Variants in KANSL1 observed in about 807,000 individuals in gnomAD.
The protein encoded by KANSL1 is KAT8 regulatory NSL complex subunit 1.
A neutral mutation model predicts 103.6 loss-of-function variants in KANSL1; 22 were observed. The observed-to-expected ratio is 0.21, with a 90% CI of 0.15 to 0.30. The LOEUF (loss-of-function observed/expected upper bound fraction) is 0.30, where lower values mean the gene tolerates loss of function less well. Ranked by LOEUF, KANSL1 falls within the 10% of genes least tolerant of loss-of-function variation. KANSL1 has a pLI of 1.00. For missense variants in KANSL1, 1,337 were observed against 1,399.8 expected, an observed-to-expected ratio of 0.96 and a Z score of 0.72; for synonymous variants, 600 against 527.6, an observed-to-expected ratio of 1.14 and a Z score of -1.88.
intron 11 of KANSL1, 177 bp from the exon 12 acceptor site, chr17:46,033,637 GC>G (rs1397736612): frequency 1.6e-6 from 1 of 631,026 alleles, no homozygotes; most frequent in Non-Finnish European, 2.8e-6. Context: ...TGTGAAATTG[GC>G]CACCTACTCA....
chr17:46,105,906 GACACACACACACACAC>G (rs773000790), intron 2 of KANSL1, among the ~76,000 whole-genome samples: 1 of 95,182 alleles, frequency 1.1e-5, no homozygotes, highest in Non-Finnish European at 2.3e-5. Context: ...GCAAGGCCTT[GACACACACACACACAC>G]ACACACACAC....
upstream of KANSL1, among the ~76,000 whole-genome samples, chr17:46,194,864 C>T (rs1450533863): frequency 6.6e-6 from 1 of 152,238 alleles, no homozygotes; most frequent in Non-Finnish European, 1.5e-5. Flanking sequence ...CACTAACTCA[C>T]CTGCCCCTGC....
intron 1 of KANSL1, among the ~76,000 whole-genome samples, chr17:46,216,886 G>A (rs988753852): frequency 4.6e-5 from 7 of 152,088 alleles, no homozygotes; most frequent in African/African-American, 7.2e-5. Context: ...CCACAGGATC[G>A]CTTGAGCTCA....
intron 2 of KANSL1, among the ~76,000 whole-genome samples, chr17:46,095,754 T>G (rs1032265709): frequency 2.0e-5 from 3 of 152,194 alleles, no homozygotes; most frequent in East Asian, 3.8e-4. Context: ...CAACTACATT[T>G]TGGTGGAAGA....
At chr17:46,114,063 A>T (rs1316385353) in intron 2 of KANSL1, among the ~76,000 whole-genome samples, 2 of 152,200 alleles carry the variant, frequency 1.3e-5, no homozygotes, top group Non-Finnish European at 2.9e-5. Flanking sequence ...CAAACTGATA[A>T]GAAAAAGATG....
chr17:46,164,380 G>A (rs1189080929), intron 2 of KANSL1, among the ~76,000 whole-genome samples: 7 of 152,152 alleles, frequency 4.6e-5, no homozygotes, highest in Admixed American at 3.3e-4. Context: ...GAAGAGAATA[G>A]AAGAAAAAAA....
chr17:46,051,708 C>T (rs911604504), intron 6 of KANSL1, among the ~76,000 whole-genome samples: 1 of 152,212 alleles, frequency 6.6e-6, no homozygotes, highest in Non-Finnish European at 1.5e-5. Context: ...TAGGTGCAAG[C>T]TCAGTAGTAG....
intron 2 of KANSL1, among the ~76,000 whole-genome samples, chr17:46,102,081 A>G (rs545313622): frequency 5.3e-5 from 8 of 152,246 alleles, no homozygotes; most frequent in African/African-American, 1.9e-4. Flanking sequence ...GAGAAAAAGA[A>G]GAGAACCAAA....
intron 4 of KANSL1, among the ~76,000 whole-genome samples, chr17:46,070,434 T>G (rs1282295087): frequency 1.3e-5 from 2 of 152,154 alleles, no homozygotes; most frequent in East Asian, 3.8e-4. Flanking sequence ...TAGGTAATAG[T>G]TTTATATTAA....
rs201248223 is a variant in KANSL1, at chr17:46,065,149, T to TA, written c.1848+1387dup. Among the ~76,000 whole-genome samples the TA allele has an allele frequency of 2.7e-5, 4 of 150,796 alleles. No homozygotes were observed. In the East Asian group the frequency reaches 5.9e-4, roughly 22 times the overall value. ...GCCCACAGCAGGCTTTTTTTTTTTT[T>TA]AAAGATATGGGGTCTCACTATGTTG... On this transcript the variant is annotated intron_variant, in intron 6 of 14. Transcript: ENST00000432791.
intron 4 of KANSL1, among the ~76,000 whole-genome samples, chr17:46,078,642 G>A (rs2078875101): frequency 6.6e-6 from 1 of 152,186 alleles, no homozygotes; most frequent in Non-Finnish European, 1.5e-5. Flanking sequence ...TCTCTTCCTG[G>A]CAATACTTTC....
intron 6 of KANSL1, among the ~76,000 whole-genome samples, chr17:46,062,378 T>TTTTTG (rs1491272838): frequency 1.4e-5 from 2 of 147,156 alleles, no homozygotes; most frequent in Admixed American, 6.8e-5. Context: ...TTTTTTTTTT[T>TTTTTG]AGATGGACTC....
chr17:46,149,978 C>T (rs905472892), intron 2 of KANSL1, among the ~76,000 whole-genome samples: 14 of 150,342 alleles, frequency 9.3e-5, no homozygotes, highest in African/African-American at 3.4e-4. Flanking sequence ...GCTGAGATCG[C>T]ACCACTGCAC....
intron 2 of KANSL1, among the ~76,000 whole-genome samples, chr17:46,114,588 T>C (rs1470564776): frequency 6.6e-6 from 1 of 152,324 alleles, no homozygotes; most frequent in East Asian, 1.9e-4. Context: ...TAAGACCACA[T>C]GTCAGTATTT....
At chr17:46,211,200 T>A (rs2048157380) in intron 1 of KANSL1, among the ~76,000 whole-genome samples, 1 of 136,710 alleles carries the variant, frequency 7.3e-6, no homozygotes, top group Non-Finnish European at 1.6e-5. Context: ...TATAGAATAT[T>A]CCCTAAAGAC....
upstream of KANSL1, among the ~76,000 whole-genome samples, chr17:46,224,180 T>C (rs387188): frequency 0.14 from 21,945 of 152,198 alleles, 2,138 homozygotes; most frequent in Non-Finnish European, 0.22. Context: ...AAAGTAAAAC[T>C]TCTCTAATCA....
chr17:46,115,927 C>T (rs1192378936), intron 2 of KANSL1, among the ~76,000 whole-genome samples: 1 of 152,182 alleles, frequency 6.6e-6, no homozygotes, highest in Admixed American at 6.5e-5. Flanking sequence ...ACCAATGTGA[C>T]AAAGCAGAGG....
intron 2 of KANSL1, among the ~76,000 whole-genome samples, chr17:46,119,559 G>A (rs904169786): frequency 2.2e-4 from 34 of 152,168 alleles, no homozygotes; most frequent in Non-Finnish European, 3.1e-4. Context: ...TGCCCACCTC[G>A]GCCTCCCAAA....
At chr17:46,196,624 A>G (rs1161368838), upstream of KANSL1, 1 of 329,362 alleles carries the variant, frequency 3.0e-6, no homozygotes, top group East Asian at 8.4e-5. Flanking sequence ...TGACTTCTGG[A>G]TTTCCAGCCA....
Sources: allele counts gnomAD v4.1 joint callset (sites outside exome capture counted in the v4.1 genomes callset), GRCh38; gene constraint gnomAD v4.1.1; transcripts MANE v1.5; gene names NCBI Gene and HGNC (gene_info 2026-07-23, HGNC 2026-07-21).